Variants in TMTC3 observed in about 807,000 individuals in gnomAD.
The protein encoded by TMTC3 is protein O-mannosyl-transferase TMTC3.
A neutral mutation model predicts 92.2 loss-of-function variants in TMTC3; 52 were observed. The observed-to-expected ratio is 0.56, with a 90% CI of 0.45 to 0.71. The LOEUF is 0.71. Ranked by LOEUF, TMTC3 falls within the 30% of genes least tolerant of loss-of-function variation. TMTC3 has a pLI of 0.00. For synonymous variants in TMTC3, 339 were observed against 363.3 expected, an observed-to-expected ratio of 0.93 and a Z score of 0.76; for missense variants, 896 against 1,057.1, an observed-to-expected ratio of 0.85 and a Z score of 2.11.
intron 1 of TMTC3, among the ~76,000 whole-genome samples, chr12:88,145,820 A>G (rs556203565): frequency 6.6e-6 from 1 of 152,342 alleles, no homozygotes; most frequent in Admixed American, 6.5e-5. Flanking sequence ...GAACAAAAGG[A>G]GAGCAGTTTC....
chr12:88,180,260 C>T (rs1475182428), intron 10 of TMTC3, among the ~76,000 whole-genome samples: 1 of 152,080 alleles, frequency 6.6e-6, no homozygotes, highest in East Asian at 1.9e-4. Flanking sequence ...TAAGGAGTGA[C>T]ATGTAGTGTT....
At position 88,195,516 on chromosome 12, in the gene TMTC3, A is replaced by T; in HGVS notation, c.2612A>T (p.Asn871Ile). Residue 871 changes from asparagine (N) to isoleucine (I), a missense_variant, in exon 14 of 14, where the codon AAC becomes ATC. Transcript: ENST00000266712. ...TSDNKSQSKS[N>I]KQLGKNGDEE... Reference sequence around the variant, plus strand: ...GATAATAAAAGTCAGTCTAAATCCAACAAACAATTAGGAAAAAATGGAGAC... The same window carrying T: ...GATAATAAAAGTCAGTCTAAATCCATCAAACAATTAGGAAAAAATGGAGAC... 6.2e-7 allele frequency: 1 copy of T among 1,613,524 alleles called. No individual in the cohort carries two copies. Among genetic ancestry groups the T allele is most frequent in the Non-Finnish European group, 8.5e-7 (1 of 1,179,764 alleles).
At chr12:88,169,120 G>T (rs1486812010) in intron 7 of TMTC3, among the ~76,000 whole-genome samples, 2 of 152,204 alleles carry the variant, frequency 1.3e-5, no homozygotes, top group Non-Finnish European at 2.9e-5. Flanking sequence ...AAGTAGTGAA[G>T]ATTCAAAGCA....
intron 6 of TMTC3, among the ~76,000 whole-genome samples, chr12:88,162,500 T>G (rs1051660481): frequency 2.6e-5 from 4 of 152,190 alleles, no homozygotes; most frequent in Admixed American, 1.3e-4. Context: ...CTTTTACCAT[T>G]TTTAGTTTGG....
chr12:88,153,231 G>T, intron 2 of TMTC3, 60 bp from the exon 3 acceptor site: 1 of 1,125,532 alleles, frequency 8.9e-7, no homozygotes, highest in Non-Finnish European at 1.3e-6. Context: ...GCAGTGATGA[G>T]CTTTTGTACC....
intron 12 of TMTC3, 113 bp downstream of exon 12, chr12:88,190,735 C>A: frequency 1.7e-6 from 2 of 1,165,114 alleles, no homozygotes; most frequent in Non-Finnish European, 2.4e-6. Context: ...AATAATCTTA[C>A]TTAGCAACCA....
rs371441940 is a variant in TMTC3 at position 88,195,664 on chromosome 12, G to A, written c.*15G>A. The A allele has an allele frequency of 1.0e-4, 162 of 1,557,648 alleles. 2 individuals are homozygous for A. In the African/African-American group the frequency reaches 2.1e-3, roughly 20 times the overall value. ...ATGGTGAATAACATTAATATTTATCGTGACAATGGTATCAAAGAACATCAA... is the reference window on the plus strand; with the variant it reads ...ATGGTGAATAACATTAATATTTATCATGACAATGGTATCAAAGAACATCAA... On this transcript the variant is annotated 3_prime_UTR_variant, in exon 14 of 14. Coordinates refer to ENST00000266712, the MANE Select transcript of TMTC3 (RefSeq NM_181783.4).
intron 1 of TMTC3, among the ~76,000 whole-genome samples, chr12:88,144,743 A>G (rs1441980747): frequency 6.6e-6 from 1 of 152,202 alleles, no homozygotes; most frequent in East Asian, 1.9e-4. Context: ...TACAGCAGTG[A>G]ACAAGTCAGC....
chr12:88,188,975 C>A, intron 11 of TMTC3, 29 bp downstream of exon 11: 1 of 1,231,346 alleles, frequency 8.1e-7, no homozygotes, highest in South Asian at 1.3e-5. Flanking sequence ...TCTATTGTGT[C>A]ATATCTATTA....
chr12:88,143,158 C>CT lies in TMTC3; in HGVS notation c.-29+684dup, dbSNP rs552936811. On this transcript the variant is annotated intron_variant, in intron 1 of 13. Coordinates refer to ENST00000266712, the MANE Select transcript of TMTC3 (RefSeq NM_181783.4). ...CCAACTATCTGGACCAGTGCTTTGT[C>CT]TTTTTTTTTTTTTAAACGCTGCTTT... Among the ~76,000 whole-genome samples, 1,168 of 140,618 alleles carry CT rather than the reference C, an allele frequency of 8.3e-3. 18 individuals carry two copies. Among genetic ancestry groups the CT allele is most frequent in the African/African-American group, 0.026 (995 of 38,344 alleles). 92.3% of individuals were successfully genotyped at this position (140,618 alleles called of 152,430 possible). A position where few individuals can be genotyped will look rare whatever the true frequency, so the allele number is the denominator to read the frequency against.
chr12:88,144,193 T>C (rs916642072), intron 1 of TMTC3, among the ~76,000 whole-genome samples: 2 of 152,186 alleles, frequency 1.3e-5, no homozygotes, highest in Non-Finnish European at 2.9e-5. Context: ...TGACTTAGAA[T>C]GACTGACAGA....
chr12:88,146,589 A>T (rs1592719413), intron 1 of TMTC3, among the ~76,000 whole-genome samples: 1 of 89,898 alleles, frequency 1.1e-5, no homozygotes, highest in Admixed American at 1.5e-4. Context: ...ATACCTATAT[A>T]TTTGTGTGTG....
chr12:88,194,718 C>A, intron 13 of TMTC3, 120 bp from the exon 14 acceptor site: 2 of 671,072 alleles, frequency 3.0e-6, no homozygotes, highest in East Asian at 3.2e-5. Context: ...CTTTTTTTAA[C>A]TATGGAAATT....
At position 88,176,309 on chromosome 12, in the gene TMTC3, T is replaced by C; in HGVS notation, c.1422T>C (p.His474=). Residue 474 remains histidine, a synonymous_variant, in exon 10 of 14, where the codon CAT becomes CAC. Transcript: ENST00000266712. ...TGAAATACTTCTTACAGGCTACCCA[T>C]GTTCAGCCAGGTAAGCATTATTAAC... ...RALKYFLQAT[H]VQPDDIGAHM... 6.2e-7 allele frequency: 1 copy of C among 1,607,918 alleles called. No homozygotes were observed. The highest frequency in any genetic ancestry group is 8.5e-7 in the Non-Finnish European group (1 of 1,176,912).
Position 88,153,288 on chromosome 12 carries a change from TAGGA to T in TMTC3, c.190-2_191del. 1.2e-6 allele frequency: 2 copies of T among 1,606,028 alleles called. No individual in the cohort carries two copies. The highest frequency in any genetic ancestry group is 1.1e-5 in the South Asian group (1 of 90,030). The stretch of plus-strand genomic sequence containing the variant: ...ATAATCACTGATCGTTTTTTCCTTG[TAGGA>T]GAGAAGCCACAAGTCTTACCGTCCC... On this transcript the variant is annotated splice_acceptor_variant and coding_sequence_variant, in exon 3 of 14. Transcript: ENST00000266712. LOFTEE classifies it high-confidence loss of function.
intron 10 of TMTC3, among the ~76,000 whole-genome samples, chr12:88,181,822 T>A (rs535839273): frequency 6.6e-6 from 1 of 152,212 alleles, no homozygotes; most frequent in Non-Finnish European, 1.5e-5. Flanking sequence ...GAGGGAATTA[T>A]GCAGTTTCCA....
chr12:88,188,921 T>G lies in TMTC3; in HGVS notation c.1511T>G (p.Met504Arg). 6.2e-7 allele frequency: 1 copy of G among 1,601,288 alleles called. No individual in the cohort carries two copies. The highest frequency in any genetic ancestry group is 8.5e-7 in the Non-Finnish European group (1 of 1,173,422). ...NRTKEAEESY[M>R]MAKSLMPQII... The stretch of plus-strand genomic sequence containing the variant: ...ACCAAAGAAGCTGAAGAATCTTACA[T>G]GATGGCTAAATCACTGATGCCTCAA... The change falls in exon 11 of 14, where the codon ATG becomes AGG. Residue 504 changes from methionine to arginine, a missense_variant. Coordinates refer to ENST00000266712, the MANE Select transcript of TMTC3 (RefSeq NM_181783.4).
rs192328415 is a variant in TMTC3, at chr12:88,143,776, G to C, written c.-29+1289G>C. On this transcript the variant is annotated intron_variant, in intron 1 of 13. Transcript: ENST00000266712. Reference sequence around the variant, plus strand: ...CCCCAGGAGAGGGCTCCTGGATCTCGCCAAGAAAGAATTGGAGGTGCATAC... The same window carrying C: ...CCCCAGGAGAGGGCTCCTGGATCTCCCCAAGAAAGAATTGGAGGTGCATAC... Among the ~76,000 whole-genome samples the C allele has an allele frequency of 3.9e-5, 6 of 152,218 alleles. 1 individual carries two copies. The highest frequency in any genetic ancestry group is 7.4e-5 in the Non-Finnish European group (5 of 68,008).
intron 1 of TMTC3, among the ~76,000 whole-genome samples, chr12:88,144,414 T>C (rs1474139188): frequency 6.6e-6 from 1 of 152,204 alleles, no homozygotes; most frequent in African/African-American, 2.4e-5. Context: ...TTCTGTTTTT[T>C]TTTTCATTCG....
Sources: gnomAD v4.1 joint callset for allele counts (sites outside exome capture counted in the v4.1 genomes callset) on GRCh38, gnomAD v4.1.1 for gene constraint, MANE v1.5 for transcripts, NCBI Gene and HGNC (gene_info 2026-07-23, HGNC 2026-07-21) for gene names.